FAM186A: variants seen among roughly 807,000 people sequenced by gnomAD.
FAM186A encodes family with sequence similarity 186 member A, also known as protein FAM186A.
A neutral mutation model predicts 216.8 loss-of-function variants in FAM186A; 163 were observed. The observed-to-expected ratio is 0.75, with a 90% CI of 0.66 to 0.86. The LOEUF (loss-of-function observed/expected upper bound fraction) is 0.86, where lower values mean the gene tolerates loss of function less well. FAM186A is among the 40% of genes least tolerant of loss of function. FAM186A has a pLI of 0.00. For synonymous variants in FAM186A, 805 were observed against 1,025.3 expected, an observed-to-expected ratio of 0.79 and a Z score of 4.10; for missense variants, 2,184 against 2,746.2, an observed-to-expected ratio of 0.80 and a Z score of 4.58.
intron 1 of FAM186A, among the ~76,000 whole-genome samples, chr12:50,368,057 A>C (rs1412584669): frequency 1.3e-5 from 2 of 151,944 alleles, no homozygotes; most frequent in African/African-American, 4.8e-5. Context: ...AGGTGGGAGA[A>C]TCACTTGAAC....
chr12:50,376,004 T>G (rs1022746863), intron 1 of FAM186A, among the ~76,000 whole-genome samples: 175 of 152,174 alleles, frequency 1.1e-3, no homozygotes, highest in Non-Finnish European at 1.4e-3. Context: ...GCACCCCCAC[T>G]GTAGCAGCAG....
intron 4 of FAM186A, among the ~76,000 whole-genome samples, chr12:50,336,630 T>G (rs1458233994): frequency 6.6e-6 from 1 of 152,146 alleles, no homozygotes; most frequent in Non-Finnish European, 1.5e-5. Flanking sequence ...AAGAAGGGGA[T>G]GAGGAAGTCC....
chr12:50,348,591 G>T (rs1391347719), intron 4 of FAM186A, among the ~76,000 whole-genome samples: 1 of 151,998 alleles, frequency 6.6e-6, no homozygotes, highest in South Asian at 2.1e-4. Flanking sequence ...ATGGAGTCTT[G>T]CTCTGCCCCG....
In FAM186A at chr12:50,360,712, C is replaced by T. The variant is rs1049541114; in HGVS notation, c.583+44G>A. 1.1e-5 allele frequency: 16 copies of T among 1,442,086 alleles called. No individual in the cohort carries two copies. The African/African-American group carries it at 1.6e-4, about 14-fold the overall frequency. The allele number at this position is 1,442,086 out of a possible 1,614,324, so 89.3% of individuals were successfully genotyped here. On this transcript the variant is annotated intron_variant, in intron 3 of 7. Transcript: ENST00000327337. ...AAAAGTTGTTTCTCTAAGAAAAAGT[C>T]AAACTCCATCTACTCCAACTCCAAA...
At chr12:50,370,410 T>C (rs1943133182) in intron 1 of FAM186A, among the ~76,000 whole-genome samples, 1 of 152,064 alleles carries the variant, frequency 6.6e-6, no homozygotes, top group Admixed American at 6.6e-5. Context: ...ATGTTCAACG[T>C]AACTAGTAAT....
chr12:50,377,693 C>A (rs929892031), intron 1 of FAM186A, among the ~76,000 whole-genome samples: 4 of 151,280 alleles, frequency 2.6e-5, no homozygotes, highest in Non-Finnish European at 5.9e-5. Context: ...ATTAGCCGGG[C>A]GTGGTGGCTG....
chr12:50,353,711 C>T lies in FAM186A; in HGVS notation c.3121G>A (p.Asp1041Asn). ...GTGATTGATATGGGCTCCTTTTCAT[C>T]AGGAAGGTTCTCTAATGTCTTCAGA... Reference protein sequence around the residue: ...RNLKTLENLPDEKEPISITPP... With the variant: ...RNLKTLENLPNEKEPISITPP... The change falls in exon 4 of 8, where the codon GAT (aspartate) becomes AAT (asparagine). Residue 1041 changes from aspartate to asparagine, a missense_variant. Coordinates refer to ENST00000327337, the MANE Select transcript of FAM186A (RefSeq NM_001145475.3). 1.9e-6 allele frequency: 3 copies of T among 1,542,230 alleles called. No individual in the cohort carries two copies. The highest frequency in any genetic ancestry group is 2.6e-6 in the Non-Finnish European group (3 of 1,143,916).
chr12:50,366,094 A>G lies in FAM186A; in HGVS notation c.193-2730T>C, dbSNP rs1256944610. ...ATTGAGAAGATGTAGGAATAAAGTA[A>G]TCTTATATACGAGCTTTGATTAATA... On this transcript the variant is annotated intron_variant, in intron 1 of 7. Coordinates refer to ENST00000327337, the MANE Select transcript of FAM186A (RefSeq NM_001145475.3). 11 of 688,648 alleles carry G rather than the reference A, an allele frequency of 1.6e-5. No individual in the cohort carries two copies. In the East Asian group the frequency reaches 2.8e-4, roughly 17 times the overall value. The allele number at this position is 688,648 out of a possible 1,614,324, so 42.7% of individuals were successfully genotyped here.
intron 4 of FAM186A, among the ~76,000 whole-genome samples, chr12:50,346,217 G>GAGAGAGAGAAGGAAAGAAAGA (rs1555215362): frequency 7.7e-6 from 1 of 129,430 alleles, no homozygotes; most frequent in Non-Finnish European, 1.6e-5. Context: ...GAGAGAGAGA[G>GAGAGAGAGAAGGAAAGAAAGA]AAGGAAAGAA....
chr12:50,349,552 G>A (rs1302748746), intron 4 of FAM186A, among the ~76,000 whole-genome samples: 2 of 152,032 alleles, frequency 1.3e-5, no homozygotes, highest in Non-Finnish European at 2.9e-5. Context: ...AAATAAGTGA[G>A]AGCATGTGAA....
chr12:50,331,539 G>T, intron 6 of FAM186A, 131 bp downstream of exon 6: 2 of 888,228 alleles, frequency 2.3e-6, no homozygotes, highest in Non-Finnish European at 3.3e-6. Flanking sequence ...ACCGCGCCCA[G>T]CCTAATACTC....
At chr12:50,385,509 T>G (rs1315600904) in intron 1 of FAM186A, among the ~76,000 whole-genome samples, 1 of 151,380 alleles carries the variant, frequency 6.6e-6, no homozygotes. Context: ...TTTTTGTATA[T>G]GGTTCCAAAA....
At position 50,355,236 on chromosome 12, in the gene FAM186A, G is replaced by A. The variant is rs189702196; in HGVS notation, c.1596C>T (p.Ser532=). The A allele has an allele frequency of 2.3e-5, 36 of 1,551,646 alleles. 1 individual carries two copies. In the East Asian group the frequency reaches 8.3e-4, roughly 36 times the overall value. ...RKHLSLTETK[S]QGGKSGTSMM... is the part of the protein sequence containing the mutation. The stretch of plus-strand genomic sequence containing the variant: ...TACTTGTTCCACTTTTGCCACCTTG[G>A]CTCTTTGTTTCAGTTAAAGAGAGAT... The change falls in exon 4 of 8, where the codon AGC becomes AGT. Residue 532 remains serine (S), a synonymous_variant. Coordinates refer to ENST00000327337, the MANE Select transcript of FAM186A (RefSeq NM_001145475.3).
At chr12:50,363,781 GAAAGAAAA>G (rs1943060075) in intron 1 of FAM186A, among the ~76,000 whole-genome samples, 1 of 146,642 alleles carries the variant, frequency 6.8e-6, no homozygotes, top group Non-Finnish European at 1.5e-5. Flanking sequence ...AAGAAAGAAA[GAAAGAAAA>G]AGAAAACAGA....
chr12:50,334,028 C>T lies in FAM186A; in HGVS notation c.6579G>A (p.Met2193Ile), dbSNP rs6580742. 0.16 allele frequency: 244,325 copies of T among 1,551,378 alleles called. 21,319 individuals are homozygous for T. The highest frequency in any genetic ancestry group is 0.18 in the Non-Finnish European group (207,893 of 1,146,818). ...KGYEARNLHM[M>I]LSRLDDYGKK... is the part of the protein sequence containing the mutation. ...TCCCGTAGTCATCAAGTCTGCTCAGCATCATGTGGAGGTTCCTGGCCTCAT... is the reference window on the plus strand; with the variant it reads ...TCCCGTAGTCATCAAGTCTGCTCAGTATCATGTGGAGGTTCCTGGCCTCAT... Residue 2193 changes from methionine to isoleucine, a missense_variant, in exon 5 of 8, where the codon ATG (methionine) becomes ATA (isoleucine). By Grantham distance (10) the Met-to-Ile change is conservative. Transcript: ENST00000327337.
In FAM186A at chr12:50,363,244, G is replaced by C. The variant is rs1366246743; in HGVS notation, c.313C>G (p.Gln105Glu). 5.8e-6 allele frequency: 9 copies of C among 1,551,324 alleles called. No individual in the cohort carries two copies. ...NVSLTEHKKKQRTNFLEKMAT... is the reference protein window; with the variant it reads ...NVSLTEHKKKERTNFLEKMAT... ...ATTTTCTCAAGAAAATTGGTTCTCT[G>C]TTTTTTCTTATGTTCTGTAAGGGAG... The change falls in exon 2 of 8, where the codon CAG (glutamine) becomes GAG (glutamate). Residue 105 changes from glutamine to glutamate, a missense_variant. Around this residue, in one of 7 missense-constraint regions of FAM186A, gnomAD observed 1,132 missense variants for 1,263.4 expected, o/e 0.90. Transcript: ENST00000327337.
chr12:50,376,408 G>T (rs1051156970), intron 1 of FAM186A, among the ~76,000 whole-genome samples: 2 of 152,182 alleles, frequency 1.3e-5, no homozygotes, highest in Non-Finnish European at 2.9e-5. Context: ...GCTCCTATCC[G>T]CAGGCAAGTC....
intron 4 of FAM186A, among the ~76,000 whole-genome samples, chr12:50,337,313 T>TA (rs1555214772): frequency 6.8e-6 from 1 of 146,524 alleles, no homozygotes; most frequent in African/African-American, 2.5e-5. Context: ...TTTTTTTTTT[T>TA]AGACAGGGTC....
At chr12:50,347,631 C>A (rs1169103121) in intron 4 of FAM186A, among the ~76,000 whole-genome samples, 1 of 149,970 alleles carries the variant, frequency 6.7e-6, no homozygotes, top group Non-Finnish European at 1.5e-5. Flanking sequence ...AGGCTGAGGG[C>A]AGGAGAATCG....
Sources: allele counts gnomAD v4.1 joint callset (sites outside exome capture counted in the v4.1 genomes callset), GRCh38; gene constraint gnomAD v4.1.1; regional missense constraint gnomAD v4.1.1; transcripts MANE v1.5; gene names NCBI Gene and HGNC (gene_info 2026-07-23, HGNC 2026-07-21).